Variants in KMT2D observed in about 807,000 individuals in gnomAD.
KMT2D encodes lysine methyltransferase 2D.
A neutral mutation model predicts 512.7 loss-of-function variants in KMT2D; 55 were observed. The observed-to-expected ratio is 0.11, with a 90% confidence interval of 0.09 to 0.13. The LOEUF is 0.13. KMT2D is among the 10% of genes least tolerant of loss of function. The pLI, the probability that KMT2D is intolerant of heterozygous loss-of-function variation, is 1.00. For missense variants in KMT2D, 6,061 were observed against 7,127.9 expected, an observed-to-expected ratio of 0.85 and a Z score of 5.39; for synonymous variants, 2,995 against 2,904.0, an observed-to-expected ratio of 1.03 and a Z score of -1.01.
In KMT2D at chr12:49,052,233, G is replaced by C. The variant is rs2120683566; in HGVS notation, c.1450C>G (p.His484Asp). 6.2e-7 allele frequency: 1 copy of C among 1,612,958 alleles called. No homozygotes were observed. The highest frequency in any genetic ancestry group is 1.7e-5 in the Admixed American group (1 of 59,956). ...LPASPLPEAL[H>D]LSRPLEESPL... ...GATTCCTCCAGCGGCCGGGACAGGT[G>C]CAATGCCTCAGGAAGTGGGGATGCG... The change falls in exon 11 of 55, where the codon CAC becomes GAC. Residue 484 changes from histidine to aspartate, a missense_variant. By Grantham distance (81) the His-to-Asp change is moderately conservative. Coordinates refer to ENST00000301067, the MANE Select transcript of KMT2D (RefSeq NM_003482.4).
In KMT2D at chr12:49,043,384, C is replaced by T. The variant is rs975418578; in HGVS notation, c.5512G>A (p.Glu1838Lys). Residue 1838 changes from glutamate (E) to lysine (K), a missense_variant, in exon 25 of 55, where the codon GAG (glutamate) becomes AAG (lysine). By Grantham distance (56) the Glu-to-Lys change is moderately conservative. Transcript: ENST00000301067. ...TCACCTGGTGTATCGGCTTTGCCCT[C>T]GAGGCCACGGGATTCTTCATCTGCA... is the stretch of plus-strand genomic sequence containing the variant. Reference protein sequence around the residue: ...DIADEESRGLEGKADTPGPED... With the variant: ...DIADEESRGLKGKADTPGPED... The T allele has an allele frequency of 5.6e-6, 9 of 1,613,950 alleles. No individual in the cohort carries two copies. Among genetic ancestry groups the T allele is most frequent in the Non-Finnish European group, 7.6e-6 (9 of 1,179,870 alleles).
In KMT2D at chr12:49,034,006, C is replaced by T. The variant is rs150875973; in HGVS notation, c.10741-42G>A. 5,765 of 1,563,122 alleles carry T rather than the reference C, an allele frequency of 3.7e-3. 20 individuals carry two copies. The highest frequency in any genetic ancestry group is 4.3e-3 in the Non-Finnish European group (4,960 of 1,154,728). On this transcript the variant is annotated intron_variant, in intron 39 of 54. Coordinates refer to ENST00000301067, the MANE Select transcript of KMT2D (RefSeq NM_003482.4). ...GGAGAGGTCAGGCTGGGGCATGCTCCCCCCATGCCAACCCTCTTCCCTGCC... is the reference window on the plus strand; with the variant it reads ...GGAGAGGTCAGGCTGGGGCATGCTCTCCCCATGCCAACCCTCTTCCCTGCC...
In KMT2D at chr12:49,027,761, C is replaced by T. The variant is rs182337150; in HGVS notation, c.14643+42G>A. 2.1e-4 allele frequency: 323 copies of T among 1,552,018 alleles called. No homozygotes were observed. In the East Asian group the frequency reaches 7.7e-3, roughly 37 times the overall value. ...GAGCCACCGCGCCTGGCCGGCAGCC[C>T]CTTTTTTCTAACACCCACCCCTTTT... On this transcript the variant is annotated intron_variant, in intron 48 of 54. Transcript: ENST00000301067.
chr12:49,029,356 T>C, intron 44 of KMT2D, 45 bp downstream of exon 44: 1 of 1,557,148 alleles, frequency 6.4e-7, no homozygotes, highest in African/African-American at 1.4e-5. Context: ...AGGCAACCTG[T>C]ACCCCACCCT....
Position 49,037,383 on chromosome 12 carries a change from A to G in KMT2D, c.9973T>C (p.Leu3325=). 1 of 1,609,168 alleles carries G rather than the reference A, an allele frequency of 6.2e-7. No homozygotes were observed. The highest frequency in any genetic ancestry group is 1.3e-5 in the African/African-American group (1 of 74,996). Residue 3325 remains leucine, a synonymous_variant, in exon 35 of 55, where the codon TTG becomes CTG. Transcript: ENST00000301067. Reference sequence around the variant, plus strand: ...TGGGTGGGCATCAGTGGCTGGGGCAAACCTGGCTGTCGGGCACCTGCAAGA... The same window carrying G: ...TGGGTGGGCATCAGTGGCTGGGGCAGACCTGGCTGTCGGGCACCTGCAAGA... The part of the protein sequence containing the change: ...LGLAGARQPG[L]PQPLMPTQPP...
Position 49,050,909 on chromosome 12 carries a change from AAG to A in KMT2D, c.2772_2773del (p.Leu925ValfsTer43). On this transcript the variant is annotated frameshift_variant, in exon 11 of 55. Coordinates refer to ENST00000301067, the MANE Select transcript of KMT2D (RefSeq NM_003482.4). LOFTEE classifies it high-confidence loss of function. ...ACCTGGTGGCATCAGCTGAGGCGAC[AAG>A]GATGGCTCCCCAGATGGGGACAACG... The A allele has an allele frequency of 6.5e-7, 1 of 1,536,254 alleles. No homozygotes were observed. The highest frequency in any genetic ancestry group is 8.8e-7 in the Non-Finnish European group (1 of 1,140,146).
At position 49,053,511 on chromosome 12, in the gene KMT2D, C is replaced by A. The variant is rs2120696913; in HGVS notation, c.804G>T (p.Trp268Cys). 6.2e-7 allele frequency: 1 copy of A among 1,607,906 alleles called. No individual in the cohort carries two copies. Among genetic ancestry groups the A allele is most frequent in the Non-Finnish European group, 8.5e-7 (1 of 1,177,014 alleles). ...GGCACACTTTGCATTCAGGGCACTG[C>A]CAGCCAGCACGTTTGCGGGCAGTCA... is the stretch of plus-strand genomic sequence containing the variant. ...TALTARKRAG[W>C]QCPECKVCQA... The change falls in exon 7 of 55, where the codon TGG (tryptophan) becomes TGT (cysteine). Residue 268 changes from tryptophan (W) to cysteine (C), a missense_variant. Physicochemically the swap from Trp to Cys is radical, Grantham distance 215 (BLOSUM62 -2). Around this residue, in one of 16 missense-constraint regions of KMT2D, gnomAD observed 160 missense variants for 225.8 expected, o/e 0.71. Coordinates refer to ENST00000301067, the MANE Select transcript of KMT2D (RefSeq NM_003482.4).
At position 49,051,067 on chromosome 12, in the gene KMT2D, G is replaced by C. The variant is rs2120662618; in HGVS notation, c.2616C>G (p.Gly872=). 1 of 1,528,868 alleles carries C rather than the reference G, an allele frequency of 6.5e-7. No homozygotes were observed. The highest frequency in any genetic ancestry group is 8.8e-7 in the Non-Finnish European group (1 of 1,140,674). The allele number at this position is 1,528,868 out of a possible 1,614,324, so 94.7% of individuals were successfully genotyped here. A position where few individuals can be genotyped will look rare whatever the true frequency, so the allele number is the denominator to read the frequency against. ...GCAGCTCCTCAGGTGCAGGGCATTG[G>C]CCTGGCTCCTCAGGGGGCTTTTCAG... ...PRPEKPPEEP[G]QCPAPEELPL... The change falls in exon 11 of 55, where the codon GGC becomes GGG. Residue 872 remains glycine, a synonymous_variant. Transcript: ENST00000301067.
At chr12:49,053,780 G>A in intron 6 of KMT2D, 139 bp from the exon 7 acceptor site, 3 of 1,154,960 alleles carry the variant, frequency 2.6e-6, no homozygotes, top group Non-Finnish European at 3.6e-6. Context: ...ACGTCTGCCA[G>A]CTACTGTTCT....
rs1942666344 is a variant in KMT2D at position 49,027,592 on chromosome 12, G to A, written c.14643+211C>T. On this transcript the variant is annotated intron_variant, in intron 48 of 54. Coordinates refer to ENST00000301067, the MANE Select transcript of KMT2D (RefSeq NM_003482.4). Reference sequence around the variant, plus strand: ...AGCCTTTCGAGTAGCTGGGATTACAGGCACGCACCATCACGCCTGGCTACT... The same window carrying A: ...AGCCTTTCGAGTAGCTGGGATTACAAGCACGCACCATCACGCCTGGCTACT... 2.0e-5 allele frequency among the ~76,000 whole-genome samples: 3 copies of A among 152,110 alleles called. No homozygotes were observed. The South Asian group carries it at 6.2e-4, about 32-fold the overall frequency.
Position 49,031,446 on chromosome 12 carries a change from C to T in KMT2D, c.13259G>A (p.Arg4420Gln), listed in dbSNP as rs375999143. The change falls in exon 40 of 55, where the codon CGG becomes CAG. Residue 4420 changes from arginine (R) to glutamine (Q), a missense_variant. By Grantham distance (43) the Arg-to-Gln change is conservative. Around this residue, in one of 16 missense-constraint regions of KMT2D, gnomAD observed 1,600 missense variants for 1,754.9 expected, o/e 0.91. Transcript: ENST00000301067. ...GGCTCCCAGGGCACATGGCTCTTCCCGAGGTTCCTGCTTGATGCTGAGTTG... is the reference window on the plus strand; with the variant it reads ...GGCTCCCAGGGCACATGGCTCTTCCTGAGGTTCCTGCTTGATGCTGAGTTG... ...ASQLSIKQEP[R>Q]EEPCALGAQS... 3.5e-5 allele frequency: 57 copies of T among 1,613,766 alleles called. No homozygotes were observed. Among genetic ancestry groups the T allele is most frequent in the Middle Eastern group, 1.6e-4 (1 of 6,062 alleles).
Position 49,044,594 on chromosome 12 carries a change from TG to T in KMT2D, c.4964-73del. 4 of 1,583,516 alleles carry T rather than the reference TG, an allele frequency of 2.5e-6. No individual in the cohort carries two copies. Among genetic ancestry groups the T allele is most frequent in the Non-Finnish European group, 3.4e-6 (4 of 1,163,720 alleles). On this transcript the variant is annotated intron_variant, in intron 20 of 54. Transcript: ENST00000301067. The surrounding 1 kb of genome is among the most constrained non-coding windows in gnomAD (Gnocchi z 6.4). ...CCTTTTAACCTTGTCATCCTGCCAC[TG>T]AGAGAGCTGAATACCTTGCCTCAGA...
At chr12:49,021,917 A>G (rs777007093) in intron 54 of KMT2D, 45 bp from the exon 55 acceptor site, 3 of 1,574,120 alleles carry the variant, frequency 1.9e-6, no homozygotes, top group Admixed American at 1.7e-5. Context: ...CCCCACAGGA[A>G]GAGGGGAGGC....
rs140849071 is a variant in KMT2D, at chr12:49,047,047, T to C, written c.4237-257A>G. ...ATTTAGTAGAGTCAGAGTTTCACCA[T>C]GTTAGTCAGGCTGGTCACCAACTCC... On this transcript the variant is annotated intron_variant, in intron 15 of 54. Coordinates refer to ENST00000301067, the MANE Select transcript of KMT2D (RefSeq NM_003482.4). Among the ~76,000 whole-genome samples the C allele has an allele frequency of 0.014, 2,075 of 152,100 alleles. 51 individuals carry two copies. Among genetic ancestry groups the C allele is most frequent in the African/African-American group, 0.048 (2,001 of 41,464 alleles).
At position 49,039,188 on chromosome 12, in the gene KMT2D, T is replaced by G; in HGVS notation, c.8366+34A>C. On this transcript the variant is annotated intron_variant, in intron 34 of 54. Coordinates refer to ENST00000301067, the MANE Select transcript of KMT2D (RefSeq NM_003482.4). This position sits in a 1 kb window ranked among gnomAD's most constrained non-coding sequence, Gnocchi z 5.0. ...CAACAGTGATAAAATCCATCCCCCT[T>G]GGTTTACCCCCAGGGAACCTCCTGG... 1 of 1,610,498 alleles carries G rather than the reference T, an allele frequency of 6.2e-7. No homozygotes were observed. The highest frequency in any genetic ancestry group is 8.5e-7 in the Non-Finnish European group (1 of 1,178,274).
Position 49,020,094 on chromosome 12 carries a change from C to T in KMT2D, c.*1686G>A. ...ACCCACCCCTTACCTACTCCCACCC[C>T]CAGGAAGAGGTTCAACTGCAGCACA... On this transcript the variant is annotated 3_prime_UTR_variant, in exon 55 of 55. Transcript: ENST00000301067. 1 of 194,686 alleles carries T rather than the reference C, an allele frequency of 5.1e-6. No homozygotes were observed. Among genetic ancestry groups the T allele is most frequent in the East Asian group, 7.8e-5 (1 of 12,794 alleles). 12.1% of individuals were successfully genotyped at this position (194,686 alleles called of 1,614,324 possible). A position where few individuals can be genotyped will look rare whatever the true frequency, so the allele number is the denominator to read the frequency against.
intron 1 of KMT2D, among the ~76,000 whole-genome samples, chr12:49,058,914 G>C (rs1938571591): frequency 6.6e-6 from 1 of 152,188 alleles, no homozygotes; most frequent in Non-Finnish European, 1.5e-5. Context: ...ATCCCAAGAG[G>C]AGGGGAGGCA....
chr12:49,024,380 G>C lies in KMT2D; in HGVS notation c.16052+198C>G, dbSNP rs1036047920. ...AAGATAATTCTGTCCTATATCCCAAGTGCATCTGAGCAGGTTGGGAGAGGA... is the reference window on the plus strand; with the variant it reads ...AAGATAATTCTGTCCTATATCCCAACTGCATCTGAGCAGGTTGGGAGAGGA... On this transcript the variant is annotated intron_variant, in intron 51 of 54. Coordinates refer to ENST00000301067, the MANE Select transcript of KMT2D (RefSeq NM_003482.4). The surrounding 1 kb of genome is among the most constrained non-coding windows in gnomAD (Gnocchi z 4.5). Among the ~76,000 whole-genome samples the C allele has an allele frequency of 6.6e-6, 1 of 152,166 alleles. No homozygotes were observed. Among genetic ancestry groups the C allele is most frequent in the African/African-American group, 2.4e-5 (1 of 41,426 alleles).
rs73302197 is a variant in KMT2D at position 49,040,963 on chromosome 12, G to A, written c.6807C>T (p.Ser2269=). ...AAGGTGGGGGCGAGAGCAGGGGCTC[G>A]GAAGCTTTGCCTCCCCCTACCCCAG... ...ESPGVGGGKA[S]EPLLSPPPFG... is the part of the protein sequence containing the mutation. Residue 2269 remains serine (S), a synonymous_variant, in exon 32 of 55, where the codon TCC becomes TCT. Transcript: ENST00000301067. The A allele has an allele frequency of 2.4e-3, 3,890 of 1,610,722 alleles. 94 individuals carry two copies. The African/African-American group carries it at 0.044, about 18-fold the overall frequency.
Sources: allele counts gnomAD v4.1 joint callset (sites outside exome capture counted in the v4.1 genomes callset), GRCh38; gene constraint gnomAD v4.1.1; regional missense constraint gnomAD v4.1.1; non-coding constraint Gnocchi (gnomAD v3.1); transcripts MANE v1.5; gene names NCBI Gene and HGNC (gene_info 2026-07-23, HGNC 2026-07-21).